The following LMNA variants were observed in gnomAD, a reference collection of about 807,000 sequenced individuals.
LMNA encodes the protein lamin.
Under a neutral mutation model 70.4 loss-of-function variants are expected in LMNA, and 20 were observed. The ratio of observed to expected loss-of-function variants is 0.28; its 90% CI spans 0.20 to 0.41. LMNA has a LOEUF of 0.41. Among genes scored for constraint, LMNA ranks in the 10% least tolerant of loss-of-function variants. LMNA has a pLI of 1.00. For synonymous variants in LMNA, 339 were observed against 372.8 expected (o/e 0.91, Z 1.04); for missense variants, 652 against 917.2 (o/e 0.71, Z 3.73).
At chr1:156,127,509 GTTTT>G (rs1170940332) in intron 1 of LMNA, among the ~76,000 whole-genome samples, 1 of 84,490 alleles carries the variant, frequency 1.2e-5, no homozygotes, top group African/African-American at 5.0e-5. Context: ...CCCCCTTACT[GTTTT>G]TTTTTTTTTT....
intron 2 of LMNA, among the ~76,000 whole-genome samples, chr1:156,086,393 ACTCTCTCTCTCT>A (rs55740793): frequency 4.8e-5 from 7 of 146,298 alleles, no homozygotes; most frequent in African/African-American, 7.7e-5. Flanking sequence ...GTGACCTCTG[ACTCTCTCTCTCT>A]CTCTCTCTCT....
At chr1:156,127,647 T>C (rs1052870884) in intron 1 of LMNA, among the ~76,000 whole-genome samples, 2 of 150,438 alleles carry the variant, frequency 1.3e-5, no homozygotes, top group Admixed American at 1.3e-4. Flanking sequence ...GCCTCCTCAG[T>C]AGCTGGGACT....
intron 3 of LMNA, among the ~76,000 whole-genome samples, chr1:156,092,397 G>A (rs1035335610): frequency 3.3e-5 from 5 of 151,910 alleles, no homozygotes; most frequent in Admixed American, 3.3e-4. Flanking sequence ...TTTACAAAAA[G>A]GCTGGGCACA....
At chr1:156,108,470 C>T (rs1232418160) in intron 3 of LMNA, among the ~76,000 whole-genome samples, 2 of 152,090 alleles carry the variant, frequency 1.3e-5, no homozygotes, top group African/African-American at 2.4e-5. Context: ...TTCAGGCAAA[C>T]TCGTATTAAA....
Position 156,139,714 on chromosome 1 carries a change from G to T in LMNA, c.*608G>T. On this transcript the variant is annotated 3_prime_UTR_variant, in exon 12 of 12. Coordinates refer to ENST00000368300, the MANE Select transcript of LMNA (RefSeq NM_170707.4). ...GTCCCCACCCCTGCCCCCAGCCCCGGGGTGAGTCCATTCTCCCAGGTACCA... is the reference window on the plus strand; with the variant it reads ...GTCCCCACCCCTGCCCCCAGCCCCGTGGTGAGTCCATTCTCCCAGGTACCA... 1 of 1,530,024 alleles carries T rather than the reference G, an allele frequency of 6.5e-7. No homozygotes were observed. The allele number at this position is 1,530,024 out of a possible 1,614,324, so 94.8% of individuals were successfully genotyped here. A position where few individuals can be genotyped will look rare whatever the true frequency, so the allele number is the denominator to read the frequency against.
chr1:156,116,453 C>G (rs1223206201), intron 1 of LMNA, among the ~76,000 whole-genome samples: 1 of 151,900 alleles, frequency 6.6e-6, no homozygotes, highest in African/African-American at 2.4e-5. Context: ...CTTCTTCCTG[C>G]CTTCCCTTTC....
chr1:156,117,881 C>T (rs1267017069), intron 1 of LMNA, among the ~76,000 whole-genome samples: 2 of 151,858 alleles, frequency 1.3e-5, no homozygotes, highest in Non-Finnish European at 2.9e-5. Context: ...CTTGCTGCAG[C>T]CTGGAACTCC....
chr1:156,134,420 T>C lies in LMNA; in HGVS notation c.531T>C (p.Gly177=). ...GQVAKLEAAL[G]EAKKQLQDEM... ...CCTCACAGCTTGAGGCAGCCCTAGG[T>C]GAGGCCAAGAAGCAACTTCAGGATG... The change falls in exon 3 of 12, where the codon GGT becomes GGC. Residue 177 remains glycine (G), a synonymous_variant. Coordinates refer to ENST00000368300, the MANE Select transcript of LMNA (RefSeq NM_170707.4). This position sits in a 1 kb window ranked among gnomAD's most constrained non-coding sequence, Gnocchi z 5.3. The C allele has an allele frequency of 1.2e-6, 2 of 1,614,112 alleles. No homozygotes were observed. Among genetic ancestry groups the C allele is most frequent in the Non-Finnish European group, 1.7e-6 (2 of 1,180,010 alleles).
At chr1:156,116,019 T>C (rs1223778783) in intron 1 of LMNA, among the ~76,000 whole-genome samples, 5 of 152,194 alleles carry the variant, frequency 3.3e-5, no homozygotes, top group African/African-American at 7.2e-5. Flanking sequence ...CTTGGCCTGC[T>C]TGGCCCAGGA....
chr1:156,096,672 G>T (rs572828615), intron 3 of LMNA, among the ~76,000 whole-genome samples: 2 of 152,364 alleles, frequency 1.3e-5, no homozygotes, highest in East Asian at 3.9e-4. Context: ...GTGAATGAAT[G>T]AATGATGTGG....
intron 2 of LMNA, among the ~76,000 whole-genome samples, chr1:156,131,282 A>G (rs966891276): frequency 6.6e-6 from 1 of 150,616 alleles, no homozygotes. Flanking sequence ...AAAAAATAAT[A>G]ATAATAATAA....
In LMNA at chr1:156,137,678, C is replaced by A; in HGVS notation, c.1633C>A (p.Arg545Ser). The change falls in exon 10 of 12, where the codon CGC (arginine) becomes AGC (serine). Residue 545 changes from arginine (R) to serine (S), a missense_variant. Coordinates refer to ENST00000368300, the MANE Select transcript of LMNA (RefSeq NM_170707.4). This position sits in a 1 kb window ranked among gnomAD's most constrained non-coding sequence, Gnocchi z 4.6. ...GGAAGTGGCCATGCGCAAGCTGGTG[C>A]GCTCAGTGACTGTGGTTGAGGACGA... ...GEEVAMRKLVRSVTVVEDDED... is the reference protein window; with the variant it reads ...GEEVAMRKLVSSVTVVEDDED... The A allele has an allele frequency of 6.4e-7, 1 of 1,555,258 alleles. No homozygotes were observed. The highest frequency in any genetic ancestry group is 8.7e-7 in the Non-Finnish European group (1 of 1,148,774).
chr1:156,109,314 G>A (rs889889505), upstream of LMNA, among the ~76,000 whole-genome samples: 1 of 152,134 alleles, frequency 6.6e-6, no homozygotes, highest in African/African-American at 2.4e-5. Flanking sequence ...TGGTCTTGAT[G>A]CTTTCCTTCT....
intron 1 of LMNA, among the ~76,000 whole-genome samples, chr1:156,128,643 GA>G (rs1232759639): frequency 2.6e-4 from 40 of 152,356 alleles, no homozygotes; most frequent in African/African-American, 8.9e-4. Context: ...AGGAACCCTA[GA>G]TCAGCAGCTA....
chr1:156,122,590 G>A (rs1364691386), intron 1 of LMNA, among the ~76,000 whole-genome samples: 1 of 152,206 alleles, frequency 6.6e-6, no homozygotes. Context: ...ACTAGGAAAG[G>A]GCAACTCGTT....
chr1:156,098,655 C>A (rs900643605), intron 3 of LMNA, among the ~76,000 whole-genome samples: 1 of 152,142 alleles, frequency 6.6e-6, no homozygotes, highest in Non-Finnish European at 1.5e-5. Flanking sequence ...ACTCAGGATA[C>A]CCTACCTGCA....
Position 156,139,684 on chromosome 1 carries a change from C to A in LMNA, c.*578C>A. 2 of 1,516,304 alleles carry A rather than the reference C, an allele frequency of 1.3e-6. No homozygotes were observed. Among genetic ancestry groups the A allele is most frequent in the Non-Finnish European group, 8.8e-7 (1 of 1,137,860 alleles). The allele number at this position is 1,516,304 out of a possible 1,614,324, so 93.9% of individuals were successfully genotyped here. A position where few individuals can be genotyped will look rare whatever the true frequency, so the allele number is the denominator to read the frequency against. On this transcript the variant is annotated 3_prime_UTR_variant, in exon 12 of 12. Coordinates refer to ENST00000368300, the MANE Select transcript of LMNA (RefSeq NM_170707.4). ...GCTGAGGTTCCTCTGCCTGCCCCGC[C>A]CCCAGTCCCCACCCCTGCCCCCAGC...
chr1:156,097,210 C>T (rs149696658), intron 3 of LMNA, among the ~76,000 whole-genome samples: 58 of 152,268 alleles, frequency 3.8e-4, no homozygotes, highest in East Asian at 2.5e-3. Flanking sequence ...TCCATGACAA[C>T]GGTAGTGTTT....
At chr1:156,086,224 A>G (rs2102785052) in intron 2 of LMNA, among the ~76,000 whole-genome samples, 1 of 152,320 alleles carries the variant, frequency 6.6e-6, no homozygotes, top group South Asian at 2.1e-4. Context: ...GCCACTTCCT[A>G]TTGAGCTCCT....
Sources: allele counts gnomAD v4.1 joint callset (sites outside exome capture counted in the v4.1 genomes callset), GRCh38; gene constraint gnomAD v4.1.1; non-coding constraint Gnocchi (gnomAD v3.1); transcripts MANE v1.5; gene names NCBI Gene and HGNC (gene_info 2026-07-23, HGNC 2026-07-21).